The following FTO variants were observed in gnomAD, a reference collection of about 807,000 sequenced individuals.
FTO encodes FTO alpha-ketoglutarate dependent dioxygenase, also known as alpha-ketoglutarate-dependent dioxygenase FTO.
Under a neutral mutation model 63.9 loss-of-function variants are expected in FTO, and 47 were observed. That is an observed-to-expected ratio of 0.74 (90% confidence interval 0.58 to 0.94). The LOEUF (loss-of-function observed/expected upper bound fraction) is 0.94, where lower values mean the gene tolerates loss of function less well. Among genes scored for constraint, FTO ranks in the 40% least tolerant of loss-of-function variants. FTO has a pLI of 0.00. For missense variants in FTO, 562 were observed against 618.1 expected (o/e 0.91, Z 0.96); for synonymous variants, 207 against 224.4 (o/e 0.92, Z 0.69).
rs2151583666 is a variant in FTO, at chr16:53,755,346, T to C, written c.45+51117T>C. Among the ~76,000 whole-genome samples the C allele has an allele frequency of 1.3e-5, 2 of 152,220 alleles. 1 individual carries two copies. Among genetic ancestry groups the C allele is most frequent in the South Asian group, 4.2e-4 (2 of 4,814 alleles). ...TGACCCAGAGGAGATGCTCCAGGTC[T>C]GTGGGAGTCAGAGGCCTAGGACTCT... On this transcript the variant is annotated intron_variant, in intron 1 of 8. Coordinates refer to ENST00000471389, the MANE Select transcript of FTO (RefSeq NM_001080432.3).
chr16:53,712,651 A>AG (rs2075802748), intron 1 of FTO, among the ~76,000 whole-genome samples: 1 of 152,266 alleles, frequency 6.6e-6, no homozygotes, highest in East Asian at 1.9e-4. Flanking sequence ...ATTCAAAAAA[A>AG]CTCTTAGACA....
At chr16:53,774,283 A>T (rs1054566106) in intron 1 of FTO, among the ~76,000 whole-genome samples, 4 of 152,192 alleles carry the variant, frequency 2.6e-5, no homozygotes, top group Non-Finnish European at 5.9e-5. Context: ...CTCCTCCACC[A>T]GGTAAAAGTG....
intron 8 of FTO, chr16:53,992,993 G>A (rs1031884260): frequency 1.9e-4 from 29 of 152,204 alleles, no homozygotes; most frequent in African/African-American, 6.5e-4. Flanking sequence ...AGTAAGATTT[G>A]ACCCGGCTTA....
At chr16:53,876,665 G>A (rs1469369571) in intron 5 of FTO, among the ~76,000 whole-genome samples, 2 of 152,210 alleles carry the variant, frequency 1.3e-5, no homozygotes, top group East Asian at 1.9e-4. Context: ...AGTGGCTCAT[G>A]CCTGTAATCC....
chr16:53,747,451 A>AT lies in FTO; in HGVS notation c.45+43229dup, dbSNP rs533641169. Reference sequence around the variant, plus strand: ...TCTTTAATGATTAGTAATGTTGAGCATTTTTTTCATGTATCTGGTGGCCAT... The same window carrying AT: ...TCTTTAATGATTAGTAATGTTGAGCATTTTTTTTCATGTATCTGGTGGCCAT... On this transcript the variant is annotated intron_variant, in intron 1 of 8. Coordinates refer to ENST00000471389, the MANE Select transcript of FTO (RefSeq NM_001080432.3). Among the ~76,000 whole-genome samples, 56 of 151,706 alleles carry AT rather than the reference A, an allele frequency of 3.7e-4. 1 individual carries two copies. The South Asian group carries it at 9.0e-3, about 24-fold the overall frequency.
intron 1 of FTO, among the ~76,000 whole-genome samples, chr16:53,736,600 A>G (rs2076396001): frequency 6.6e-6 from 1 of 152,130 alleles, no homozygotes; most frequent in Admixed American, 6.5e-5. Context: ...TAGTCTCAGA[A>G]CTAATGTTCT....
At chr16:53,781,410 A>G (rs1297410447) in intron 1 of FTO, among the ~76,000 whole-genome samples, 1 of 152,246 alleles carries the variant, frequency 6.6e-6, no homozygotes. Context: ...TTGTGTGAAC[A>G]TGAAAGGTCA....
intron 8 of FTO, among the ~76,000 whole-genome samples, chr16:54,095,555 A>C (rs1436593101): frequency 6.6e-6 from 1 of 151,654 alleles, no homozygotes; most frequent in East Asian, 1.9e-4. Context: ...TTAGCTTTTC[A>C]TCCTGTCTCA....
chr16:53,853,103 G>C (rs1196486815), intron 4 of FTO, among the ~76,000 whole-genome samples: 1 of 152,136 alleles, frequency 6.6e-6, no homozygotes, highest in Non-Finnish European at 1.5e-5. Context: ...GACCAGCCTG[G>C]CCAACATGGC....
chr16:53,905,772 T>C (rs983507538), intron 7 of FTO, among the ~76,000 whole-genome samples: 4 of 152,206 alleles, frequency 2.6e-5, no homozygotes, highest in Admixed American at 2.0e-4. Flanking sequence ...GCTGTGTTCT[T>C]GGTGCCTGAA....
At chr16:53,951,539 G>A (rs1350876532) in intron 8 of FTO, among the ~76,000 whole-genome samples, 1 of 152,120 alleles carries the variant, frequency 6.6e-6, no homozygotes, top group Non-Finnish European at 1.5e-5. Context: ...CACACAAGAT[G>A]ATTCTGTGAG....
intron 8 of FTO, among the ~76,000 whole-genome samples, chr16:54,079,026 A>G (rs1439899321): frequency 6.6e-6 from 1 of 152,206 alleles, no homozygotes; most frequent in Non-Finnish European, 1.5e-5. Flanking sequence ...GTTGAAATTT[A>G]TTTTTCAATA....
intron 4 of FTO, among the ~76,000 whole-genome samples, chr16:53,853,654 C>A (rs2079882857): frequency 6.6e-6 from 1 of 152,070 alleles, no homozygotes; most frequent in East Asian, 1.9e-4. Context: ...GACATGATTT[C>A]ATTTTTTTTA....
chr16:54,011,781 C>T (rs1253362936), intron 8 of FTO, among the ~76,000 whole-genome samples: 3 of 152,032 alleles, frequency 2.0e-5, no homozygotes, highest in South Asian at 2.1e-4. Flanking sequence ...ACCTGTGATC[C>T]GTGATCTTTC....
intron 8 of FTO, among the ~76,000 whole-genome samples, chr16:54,005,064 C>T (rs771693839): frequency 2.0e-4 from 26 of 131,478 alleles, no homozygotes; most frequent in Non-Finnish European, 3.5e-4. Flanking sequence ...AGCGAGGCTC[C>T]GTCTAAAAAA....
intron 8 of FTO, among the ~76,000 whole-genome samples, chr16:54,091,422 C>T (rs1389790796): frequency 6.6e-6 from 1 of 152,072 alleles, no homozygotes; most frequent in Admixed American, 6.5e-5. Flanking sequence ...CACCTGTAGT[C>T]CTAGCAACTC....
chr16:53,712,298 G>A (rs902201060), intron 1 of FTO, among the ~76,000 whole-genome samples: 12 of 151,794 alleles, frequency 7.9e-5, no homozygotes, highest in Admixed American at 6.6e-4. Flanking sequence ...GACAGTTTTG[G>A]TGTTAGGCCA....
intron 8 of FTO, among the ~76,000 whole-genome samples, chr16:53,967,190 A>T (rs190916678): frequency 2.6e-5 from 4 of 151,978 alleles, no homozygotes; most frequent in Non-Finnish European, 4.4e-5. Context: ...TCCATCCCCT[A>T]GGTTACTGTT....
chr16:53,769,191 C>T (rs1205319276), intron 1 of FTO, among the ~76,000 whole-genome samples: 2 of 152,152 alleles, frequency 1.3e-5, no homozygotes, highest in Middle Eastern at 3.4e-3. Context: ...ATTGCATATT[C>T]GATTATGTCC....
Sources: allele counts gnomAD v4.1 joint callset (sites outside exome capture counted in the v4.1 genomes callset), GRCh38; gene constraint gnomAD v4.1.1; transcripts MANE v1.5; gene names NCBI Gene and HGNC (gene_info 2026-07-23, HGNC 2026-07-21).